The following HNF4A variants were observed in gnomAD, a reference collection of about 807,000 sequenced individuals.
HNF4A encodes the protein hepatocyte nuclear factor 4 alpha.
HNF4A carries 15 observed loss-of-function variants against 52.4 expected under a neutral mutation model. The observed-to-expected ratio is 0.29, with a 90% CI of 0.19 to 0.44. The LOEUF is 0.44. HNF4A is among the 20% of genes least tolerant of loss of function. The probability of loss-of-function intolerance (pLI) is 1.00; values close to 1 mark genes in which losing one functional copy is unlikely to be tolerated. For missense variants in HNF4A, 479 were observed against 647.2 expected (o/e 0.74, Z 2.82); for synonymous variants, 280 against 264.4 (o/e 1.06, Z -0.57).
chr20:44,421,793 T>G (rs563054893), intron 7 of HNF4A, among the ~76,000 whole-genome samples: 2 of 145,970 alleles, frequency 1.4e-5, no homozygotes, highest in African/African-American at 2.5e-5. Context: ...ATAATATATA[T>G]TATATATATA....
chr20:44,377,043 A>G (rs1371266214), intron 1 of HNF4A, among the ~76,000 whole-genome samples: 1 of 152,148 alleles, frequency 6.6e-6, no homozygotes, highest in Non-Finnish European at 1.5e-5. Context: ...TCTATCAAAA[A>G]ATAAAATAAA....
At chr20:44,409,354 G>A (rs1314009857) in intron 3 of HNF4A, among the ~76,000 whole-genome samples, 1 of 152,208 alleles carries the variant, frequency 6.6e-6, no homozygotes, top group Non-Finnish European at 1.5e-5. Flanking sequence ...TGAACAGTTG[G>A]AGGCAAGAAA....
chr20:44,369,702 T>C (rs942974375), intron 1 of HNF4A, among the ~76,000 whole-genome samples: 1 of 152,180 alleles, frequency 6.6e-6, no homozygotes, highest in African/African-American at 2.4e-5. Context: ...AGTCTCACTC[T>C]GTCATCCAGG....
At chr20:44,369,249 CAAAAAAAAAAAAAAA>C (rs751374772) in intron 1 of HNF4A, among the ~76,000 whole-genome samples, 14 of 24,822 alleles carry the variant, frequency 5.6e-4, no homozygotes, top group Non-Finnish European at 7.0e-4. Flanking sequence ...AACTCCATCT[CAAAAAAAAAAAAAAA>C]AAAAAAAAAA....
At chr20:44,405,242 T>C (rs2063484219) in intron 1 of HNF4A, among the ~76,000 whole-genome samples, 1 of 152,172 alleles carries the variant, frequency 6.6e-6, no homozygotes, top group African/African-American at 2.4e-5. Flanking sequence ...GGGGTTCAGC[T>C]GCTGCTATTT....
At chr20:44,413,589 C>A in intron 3 of HNF4A, 105 bp from the exon 4 acceptor site, 1 of 792,232 alleles carries the variant, frequency 1.3e-6, no homozygotes, top group Non-Finnish European at 2.2e-6. Context: ...GGCCTGTTCT[C>A]TGGACACCCC....
intron 1 of HNF4A, 112 bp from the exon 2 acceptor site, chr20:44,405,946 C>G (rs1473506602): frequency 2.0e-6 from 2 of 1,016,698 alleles, no homozygotes; most frequent in Admixed American, 1.7e-5. Context: ...GGAGTGGGAA[C>G]AGCCCCCAGA....
intron 1 of HNF4A, among the ~76,000 whole-genome samples, chr20:44,375,494 TG>T (rs1380490669): frequency 5.3e-5 from 8 of 150,804 alleles, no homozygotes; most frequent in African/African-American, 2.0e-4. Flanking sequence ...GAAATGTTTT[TG>T]TTTTTTTTTT....
At chr20:44,369,480 G>T (rs1161570303) in intron 1 of HNF4A, among the ~76,000 whole-genome samples, 1 of 151,884 alleles carries the variant, frequency 6.6e-6, no homozygotes, top group Non-Finnish European at 1.5e-5. Flanking sequence ...AAAAGGAAAA[G>T]AAAATATTTA....
intron 7 of HNF4A, among the ~76,000 whole-genome samples, chr20:44,420,247 G>T (rs1050419071): frequency 2.4e-4 from 36 of 151,892 alleles, no homozygotes; most frequent in African/African-American, 8.0e-4. Flanking sequence ...CAGGAGAATT[G>T]CTTGAACCTG....
intron 3 of HNF4A, among the ~76,000 whole-genome samples, chr20:44,407,757 T>TTGTGTGTGTGTGTGTGTGTGTGTG (rs35406830): frequency 6.9e-6 from 1 of 145,846 alleles, no homozygotes; most frequent in African/African-American, 2.6e-5. Flanking sequence ...AGCAGCCACG[T>TTGTGTGTGTGTGTGTGTGTGTGTG]TGTGTGTGTG....
rs10657596 is a variant in HNF4A, at chr20:44,425,656, C to CTT, written c.1129+1417_1129+1418dup. Among the ~76,000 whole-genome samples the CTT allele has an allele frequency of 4.4e-3, 567 of 129,458 alleles. 11 individuals are homozygous for CTT. The highest frequency in any genetic ancestry group is 0.016 in the East Asian group (72 of 4,456). The allele number at this position is 129,458 out of a possible 152,430, so 84.9% of individuals were successfully genotyped here. A position where few individuals can be genotyped will look rare whatever the true frequency, so the allele number is the denominator to read the frequency against. On this transcript the variant is annotated intron_variant, in intron 8 of 9. Transcript: ENST00000316099. Reference sequence around the variant, plus strand: ...ATTGTGGACCCTCTTTTCTTTTTTCCTTTTTTTTTTTTTTTTGAGACGAGA... The same window carrying CTT: ...ATTGTGGACCCTCTTTTCTTTTTTCCTTTTTTTTTTTTTTTTTTGAGACGAGA...
chr20:44,392,170 G>C (rs2063309073), intron 1 of HNF4A: 1 of 152,146 alleles, frequency 6.6e-6, no homozygotes, highest in Non-Finnish European at 1.5e-5. Flanking sequence ...AATAGTCTTG[G>C]TAGCAAGAAT....
At chr20:44,358,248 G>GAAAAAA (rs57044554) in intron 1 of HNF4A, among the ~76,000 whole-genome samples, 1 of 113,280 alleles carries the variant, frequency 8.8e-6, no homozygotes, top group Non-Finnish European at 2.0e-5. Flanking sequence ...GAAGGCTCCA[G>GAAAAAA]AAAAAAAAAA....
intron 5 of HNF4A, 89 bp from the exon 6 acceptor site, chr20:44,418,336 T>C: frequency 1.0e-6 from 1 of 999,620 alleles, no homozygotes; most frequent in South Asian, 1.3e-5. Context: ...GAGGGGAGCA[T>C]TAAGCTGACT....
chr20:44,369,239 A>G (rs2063004943), intron 1 of HNF4A, among the ~76,000 whole-genome samples: 2 of 122,360 alleles, frequency 1.6e-5, no homozygotes, highest in Non-Finnish European at 3.3e-5. Context: ...ACAAGAGCAA[A>G]ACTCCATCTC....
At chr20:44,359,114 A>G (rs990248599) in intron 1 of HNF4A, among the ~76,000 whole-genome samples, 19 of 152,156 alleles carry the variant, frequency 1.2e-4, no homozygotes, top group African/African-American at 3.9e-4. Context: ...TTGTCTCACT[A>G]TGTCTCACAT....
intron 1 of HNF4A, among the ~76,000 whole-genome samples, chr20:44,384,073 A>T (rs536071304): frequency 6.7e-6 from 1 of 150,118 alleles, no homozygotes; most frequent in East Asian, 2.0e-4. Flanking sequence ...CTGGTCTCGA[A>T]CTCCTGACCT....
intron 9 of HNF4A, 71 bp downstream of exon 9, chr20:44,428,558 G>A (rs1173012546): frequency 6.1e-6 from 9 of 1,476,496 alleles, no homozygotes; most frequent in African/African-American, 1.4e-5. Context: ...AGGAGAAAGT[G>A]GAGTCTAGAA....
Sources: gnomAD v4.1 joint callset for allele counts (sites outside exome capture counted in the v4.1 genomes callset) on GRCh38, gnomAD v4.1.1 for gene constraint, MANE v1.5 for transcripts, NCBI Gene and HGNC (gene_info 2026-07-23, HGNC 2026-07-21) for gene names.